XCR1: variants seen among roughly 807,000 people sequenced by gnomAD.
XCR1 encodes the protein chemokine XC receptor 1.
For synonymous variants in XCR1, 187 were observed against 188.5 expected (o/e 0.99, Z 0.06); for missense variants, 356 against 424.2 (o/e 0.84, Z 1.41).
At chr3:46,067,669 C>T (rs1698100918) in intron 3 of XCR1, among the ~76,000 whole-genome samples, 1 of 152,168 alleles carries the variant, frequency 6.6e-6, no homozygotes, top group South Asian at 2.1e-4. Flanking sequence ...TGATCACTTT[C>T]TATTAGAGGA....
rs1438814413 is a variant in XCR1 at position 46,018,845 on chromosome 3, A to C, written c.*2101T>G. 2 of 152,174 alleles carry C rather than the reference A, an allele frequency of 1.3e-5. No individual in the cohort carries two copies. The highest frequency in any genetic ancestry group is 2.9e-5 in the Non-Finnish European group (2 of 68,024). The allele number at this position is 152,174 out of a possible 1,614,324, so 9.4% of individuals were successfully genotyped here. On this transcript the variant is annotated 3_prime_UTR_variant, in exon 2 of 2. Transcript: ENST00000309285. ...AGATATTGAGTGTCTTCTGTGTGCA[A>C]ATCCCTGCTCAAGGGACTGTAGAAG...
At chr3:46,066,298 G>A (rs1186562710) in intron 4 of XCR1, among the ~76,000 whole-genome samples, 1 of 151,194 alleles carries the variant, frequency 6.6e-6, no homozygotes, top group East Asian at 1.9e-4. Context: ...AGGCTGGAGT[G>A]CAGCAGTGCA....
At chr3:46,045,240 GA>G (rs1253041568) in intron 5 of XCR1, among the ~76,000 whole-genome samples, 19 of 152,178 alleles carry the variant, frequency 1.2e-4, no homozygotes, top group African/African-American at 4.3e-4. Flanking sequence ...CCCAGATGGT[GA>G]AACCTCGTCT....
intron 4 of XCR1, among the ~76,000 whole-genome samples, chr3:46,058,274 C>A (rs1479164456): frequency 6.6e-6 from 1 of 150,626 alleles, no homozygotes; most frequent in Non-Finnish European, 1.5e-5. Flanking sequence ...TATTTGATAC[C>A]TTTGGGGCAT....
chr3:46,030,880 C>T (rs143209589), upstream of XCR1, among the ~76,000 whole-genome samples: 1,189 of 152,386 alleles, frequency 7.8e-3, 15 homozygotes, highest in African/African-American at 0.027. Context: ...CATTCCCTGC[C>T]GTGTTCTGGG....
rs1697551369 is a variant in XCR1, at chr3:46,042,381, G to T, written c.-32+11539C>A. ...AATAGAGAAAATAAACAGAATCAAA[G>T]TTTGCTCTTTAAAAAAAATTGACAA... On this transcript the variant is annotated intron_variant, in intron 5 of 5. Transcript: ENST00000683768. 2.0e-5 allele frequency among the ~76,000 whole-genome samples: 3 copies of T among 152,020 alleles called. 1 individual carries two copies. In the South Asian group the frequency reaches 6.2e-4, roughly 32 times the overall value.
rs138641609 is a variant in XCR1 at position 46,020,933 on chromosome 3, C to T, written c.*13G>A. 2,393 of 1,606,092 alleles carry T rather than the reference C, an allele frequency of 1.5e-3. 30 individuals are homozygous for T. The African/African-American group carries it at 0.029, about 19-fold the overall frequency. ...TGTCCACCTGCACCTGCGCCTGCAC[C>T]GCCACAGGCCCCTCAGTAGAAGGAG... On this transcript the variant is annotated 3_prime_UTR_variant, in exon 2 of 2. Coordinates refer to ENST00000309285, the MANE Select transcript of XCR1 (RefSeq NM_001024644.2).
upstream of XCR1, among the ~76,000 whole-genome samples, chr3:46,029,401 C>T (rs1229722362): frequency 6.6e-6 from 1 of 152,112 alleles, no homozygotes; most frequent in Non-Finnish European, 1.5e-5. Flanking sequence ...TACCATGTTT[C>T]CCAGGCTGGT....
intron 5 of XCR1, among the ~76,000 whole-genome samples, chr3:46,052,918 C>T (rs1697775856): frequency 6.6e-6 from 1 of 152,140 alleles, no homozygotes. Flanking sequence ...GAATTGTGGC[C>T]CAGGCGCATT....
intron 5 of XCR1, among the ~76,000 whole-genome samples, chr3:46,048,251 C>T (rs1697672403): frequency 3.3e-5 from 5 of 152,184 alleles, no homozygotes. Context: ...AGTGTCACTC[C>T]AAAGTACAGG....
intron 5 of XCR1, among the ~76,000 whole-genome samples, chr3:46,048,545 T>C (rs1697677517): frequency 6.6e-6 from 1 of 152,114 alleles, no homozygotes; most frequent in African/African-American, 2.4e-5. Context: ...GGGCCCATGG[T>C]TGGCCACCCT....
chr3:46,059,003 C>A (rs530950939), intron 4 of XCR1, among the ~76,000 whole-genome samples: 2 of 152,154 alleles, frequency 1.3e-5, no homozygotes, highest in African/African-American at 4.8e-5. Context: ...TCTTTGCCAG[C>A]AGAAGCAGCC....
In XCR1 at chr3:46,021,839, G is replaced by A; in HGVS notation, c.109C>T (p.Leu37=). 1 of 1,614,134 alleles carries A rather than the reference G, an allele frequency of 6.2e-7. No homozygotes were observed. Among genetic ancestry groups the A allele is most frequent in the Non-Finnish European group, 8.5e-7 (1 of 1,180,020 alleles). ...WVFATLATTV[L]YCLVFLLSLV... ...CTGAGGAGAAACACCAGGCAGTATA[G>A]GACAGTGGTGGCGAGGGTAGCAAAG... is the stretch of plus-strand genomic sequence containing the variant. The change falls in exon 2 of 2, where the codon CTA becomes TTA. Residue 37 remains leucine (L), a synonymous_variant. Coordinates refer to ENST00000309285, the MANE Select transcript of XCR1 (RefSeq NM_001024644.2). This position sits in a 1 kb window ranked among gnomAD's most constrained non-coding sequence, Gnocchi z 4.7.
upstream of XCR1, among the ~76,000 whole-genome samples, chr3:46,029,865 A>C (rs866933311): frequency 3.9e-5 from 6 of 152,170 alleles, no homozygotes; most frequent in Middle Eastern, 3.4e-3. Context: ...TGTGGTTTTC[A>C]GTGAGTAGAT....
chr3:46,073,000 G>A (rs1441980789), intron 3 of XCR1, among the ~76,000 whole-genome samples: 1 of 152,084 alleles, frequency 6.6e-6, no homozygotes, highest in Non-Finnish European at 1.5e-5. Context: ...TGACAGAGCT[G>A]ACAAAAACAC....
At position 46,021,375 on chromosome 3, in the gene XCR1, G is replaced by T; in HGVS notation, c.573C>A (p.Asn191Lys). ...TWYLTSVYQH[N>K]LFFLLSLGII... ...TCCCCAGGGACAGCAGGAAGAAGAG[G>T]TTGTGCTGGTAGACGGAGGTGAGGT... The change falls in exon 2 of 2, where the codon AAC becomes AAA. Residue 191 changes from asparagine (N) to lysine (K), a missense_variant. Asn to Lys is a moderately conservative substitution (Grantham distance 94). Coordinates refer to ENST00000309285, the MANE Select transcript of XCR1 (RefSeq NM_001024644.2). The surrounding 1 kb of genome is among the most constrained non-coding windows in gnomAD (Gnocchi z 4.7). 2 of 1,614,178 alleles carry T rather than the reference G, an allele frequency of 1.2e-6. No individual in the cohort carries two copies. Among genetic ancestry groups the T allele is most frequent in the Non-Finnish European group, 1.7e-6 (2 of 1,180,034 alleles).
intron 5 of XCR1, among the ~76,000 whole-genome samples, chr3:46,052,593 T>C (rs1481850286): frequency 6.6e-6 from 1 of 152,198 alleles, no homozygotes; most frequent in Non-Finnish European, 1.5e-5. Flanking sequence ...GACCCTTGGC[T>C]CCTTTTAGAT....
At chr3:46,085,569 C>T (rs1463594356) in intron 1 of XCR1, among the ~76,000 whole-genome samples, 1 of 152,252 alleles carries the variant, frequency 6.6e-6, no homozygotes, top group African/African-American at 2.4e-5. Context: ...CGTTCACTCT[C>T]CTTCCAGCAG....
At chr3:46,048,189 GAGTTTGGGA>G (rs929870743) in intron 5 of XCR1, among the ~76,000 whole-genome samples, 1 of 152,148 alleles carries the variant, frequency 6.6e-6, no homozygotes, top group African/African-American at 2.4e-5. Context: ...ATGTCAGGGG[GAGTTTGGGA>G]TCCTGGAGCC....
Sources: allele counts gnomAD v4.1 joint callset (sites outside exome capture counted in the v4.1 genomes callset), GRCh38; gene constraint gnomAD v4.1.1; non-coding constraint Gnocchi (gnomAD v3.1); transcripts MANE v1.5; gene names NCBI Gene and HGNC (gene_info 2026-07-23, HGNC 2026-07-21).